The following SHISA7 variants were observed in gnomAD, a reference collection of about 807,000 sequenced individuals.
The protein encoded by SHISA7 is protein shisa-7.
Under a neutral mutation model 23.9 loss-of-function variants are expected in SHISA7, and 6 were observed. The ratio of observed to expected loss-of-function variants is 0.25; its 90% CI spans 0.14 to 0.50. SHISA7 has a LOEUF of 0.50. SHISA7 is among the 20% of genes least tolerant of loss of function. SHISA7 has a pLI of 0.98. For missense variants in SHISA7, 671 were observed against 801.1 expected (o/e 0.84, Z 1.96); for synonymous variants, 386 against 398.3 (o/e 0.97, Z 0.37).
At chr19:55,438,457 G>T in intron 2 of SHISA7, 1 of 1,024,688 alleles carries the variant, frequency 9.8e-7, no homozygotes, top group Non-Finnish European at 1.3e-6. Flanking sequence ...GGCTCACAGG[G>T]GTCTCACTCC....
intron 3 of SHISA7, among the ~76,000 whole-genome samples, chr19:55,434,854 T>G: frequency 1.1e-5 from 1 of 90,830 alleles, no homozygotes; most frequent in African/African-American, 4.7e-5. Flanking sequence ...TGTGTGCGTG[T>G]GTGTATATGT....
intron 3 of SHISA7, among the ~76,000 whole-genome samples, chr19:55,437,204 T>G (rs1181094764): frequency 6.6e-6 from 1 of 151,984 alleles, no homozygotes; most frequent in Non-Finnish European, 1.5e-5. Context: ...GAGGGGAGAC[T>G]CTCTGAAAAT....
rs556347789 is a variant in SHISA7, at chr19:55,435,293, GGT to G, written c.977-1499_977-1498del. 2.7e-3 allele frequency among the ~76,000 whole-genome samples: 352 copies of G among 132,258 alleles called. 1 individual carries two copies. The highest frequency in any genetic ancestry group is 8.7e-3 in the African/African-American group (301 of 34,716). 86.8% of individuals were successfully genotyped at this position (132,258 alleles called of 152,430 possible). A position where few individuals can be genotyped will look rare whatever the true frequency, so the allele number is the denominator to read the frequency against. ...TGCGTGTGTGCGTGTGTGTATATGT[GGT>G]GTGTGTGTATATGTGGTGTGTGTGT... On this transcript the variant is annotated intron_variant, in intron 3 of 3. Coordinates refer to ENST00000376325, the MANE Select transcript of SHISA7 (RefSeq NM_001145176.2).
chr19:55,437,159 A>G (rs1311317598), intron 3 of SHISA7, among the ~76,000 whole-genome samples: 1 of 152,150 alleles, frequency 6.6e-6, no homozygotes, highest in East Asian at 1.9e-4. Flanking sequence ...GTAGAACGGC[A>G]GCCTGAACAT....
intron 3 of SHISA7, among the ~76,000 whole-genome samples, chr19:55,434,286 TGTG>T (rs1985297642): frequency 6.7e-6 from 1 of 149,170 alleles, no homozygotes; most frequent in Non-Finnish European, 1.5e-5. Context: ...GTGGTGGGTG[TGTG>T]GTGTATATGT....
chr19:55,438,869 C>CA (rs1985529242), intron 2 of SHISA7, among the ~76,000 whole-genome samples: 1 of 62,692 alleles, frequency 1.6e-5, no homozygotes, highest in Non-Finnish European at 3.0e-5. Flanking sequence ...AAGTTCTTAG[C>CA]ACCCCCCCCC....
chr19:55,442,077 C>G, intron 1 of SHISA7, 116 bp downstream of exon 1: 2 of 1,104,500 alleles, frequency 1.8e-6, no homozygotes, highest in Non-Finnish European at 2.4e-6. Flanking sequence ...GCGGCCGCCA[C>G]CTGGGTCTCT....
At chr19:55,437,569 C>T in intron 3 of SHISA7, 36 bp downstream of exon 3, 1 of 1,544,724 alleles carries the variant, frequency 6.5e-7, no homozygotes. Context: ...CCCGCCCCCT[C>T]CCCTTCACCG....
rs554661453 is a variant in SHISA7, at chr19:55,432,187, T to G, written c.*969A>C. The G allele has an allele frequency of 2.4e-3, 362 of 152,860 alleles. 2 individuals carry two copies. The highest frequency in any genetic ancestry group is 6.6e-3 in the Middle Eastern group (2 of 302). 9.5% of individuals were successfully genotyped at this position (152,860 alleles called of 1,614,324 possible). On this transcript the variant is annotated 3_prime_UTR_variant, in exon 4 of 4. Coordinates refer to ENST00000376325, the MANE Select transcript of SHISA7 (RefSeq NM_001145176.2). The surrounding 1 kb of genome is among the most constrained non-coding windows in gnomAD (Gnocchi z 4.6). Reference sequence around the variant, plus strand: ...AGCGATGCTTCCTTCAGACAACATCTCAGGACAGGGCCCCTCTCTGCTCTC... The same window carrying G: ...AGCGATGCTTCCTTCAGACAACATCGCAGGACAGGGCCCCTCTCTGCTCTC...
intron 1 of SHISA7, among the ~76,000 whole-genome samples, chr19:55,441,769 G>A (rs1256502356): frequency 6.6e-6 from 1 of 152,208 alleles, no homozygotes; most frequent in Non-Finnish European, 1.5e-5. Context: ...AGGTGGGGAC[G>A]ATGATTAGTC....
intron 1 of SHISA7, among the ~76,000 whole-genome samples, chr19:55,441,498 C>T (rs977532174): frequency 3.3e-5 from 5 of 152,238 alleles, no homozygotes; most frequent in Non-Finnish European, 7.3e-5. Context: ...GGCCTTTGCA[C>T]GCGGTTCCCC....
chr19:55,442,879 T>C lies in SHISA7; in HGVS notation c.-16A>G. 1 of 1,317,922 alleles carries C rather than the reference T, an allele frequency of 7.6e-7. No individual in the cohort carries two copies. Among genetic ancestry groups the C allele is most frequent in the Non-Finnish European group, 9.6e-7 (1 of 1,038,410 alleles). The allele number at this position is 1,317,922 out of a possible 1,614,324, so 81.6% of individuals were successfully genotyped here. A position where few individuals can be genotyped will look rare whatever the true frequency, so the allele number is the denominator to read the frequency against. On this transcript the variant is annotated 5_prime_UTR_variant, in exon 1 of 4. Transcript: ENST00000376325. ...GGGCCGGCATGGGGCTTGCAGGGGG[T>C]CGCACTGGGCCGCCAGGCTGCGGGG...
In SHISA7 at chr19:55,432,700, T is replaced by C. The variant is rs974949692; in HGVS notation, c.*456A>G. On this transcript the variant is annotated 3_prime_UTR_variant, in exon 4 of 4. Coordinates refer to ENST00000376325, the MANE Select transcript of SHISA7 (RefSeq NM_001145176.2). This position sits in a 1 kb window ranked among gnomAD's most constrained non-coding sequence, Gnocchi z 4.6. The stretch of plus-strand genomic sequence containing the variant: ...TAGAGATGACATCATCCAGGTGAGA[T>C]TGTCTCTGCAGTGACACCACAGGAA... The C allele has an allele frequency of 6.4e-6, 1 of 155,186 alleles. No individual in the cohort carries two copies. The highest frequency in any genetic ancestry group is 2.4e-5 in the African/African-American group (1 of 41,498). 9.6% of individuals were successfully genotyped at this position (155,186 alleles called of 1,614,324 possible). A position where few individuals can be genotyped will look rare whatever the true frequency, so the allele number is the denominator to read the frequency against.
chr19:55,438,168 C>T (rs557624370), intron 2 of SHISA7, among the ~76,000 whole-genome samples: 1 of 152,106 alleles, frequency 6.6e-6, no homozygotes, highest in Non-Finnish European at 1.5e-5. Context: ...TCCCTCAGAC[C>T]CAGCAGTTCT....
Position 55,433,053 on chromosome 19 carries a change from C to G in SHISA7, c.*103G>C. 7.4e-7 allele frequency: 1 copy of G among 1,349,050 alleles called. No individual in the cohort carries two copies. Among genetic ancestry groups the G allele is most frequent in the Non-Finnish European group, 9.6e-7 (1 of 1,040,582 alleles). 83.6% of individuals were successfully genotyped at this position (1,349,050 alleles called of 1,614,324 possible). On this transcript the variant is annotated 3_prime_UTR_variant, in exon 4 of 4. Coordinates refer to ENST00000376325, the MANE Select transcript of SHISA7 (RefSeq NM_001145176.2). This position sits in a 1 kb window ranked among gnomAD's most constrained non-coding sequence, Gnocchi z 8.4. ...GAGGCTTTCACTCCTGTCCAAGGGC[C>G]GATCTGGGCCCCAGGCCCCTGGCAT...
chr19:55,433,628 C>G lies in SHISA7; in HGVS notation c.1145G>C (p.Arg382Pro). Reference sequence around the variant, plus strand: ...CAGCAGGTGCTCCTGGGACATGACCCGCCGGGGGTTGGGCGCGGGCGCCAG... The same window carrying G: ...CAGCAGGTGCTCCTGGGACATGACCGGCCGGGGGTTGGGCGCGGGCGCCAG... ...LGLAPAPNPR[R>P]VMSQEHLLGD... Residue 382 changes from arginine to proline, a missense_variant, in exon 4 of 4, where the codon CGG becomes CCG. This residue lies in a region of SHISA7 where 457 missense variants were observed against 488.3 expected (regional missense o/e 0.94). Transcript: ENST00000376325. This position sits in a 1 kb window ranked among gnomAD's most constrained non-coding sequence, Gnocchi z 8.4. 1 of 1,491,082 alleles carries G rather than the reference C, an allele frequency of 6.7e-7. No individual in the cohort carries two copies. Among genetic ancestry groups the G allele is most frequent in the Non-Finnish European group, 8.9e-7 (1 of 1,127,550 alleles). The allele number at this position is 1,491,082 out of a possible 1,614,324, so 92.4% of individuals were successfully genotyped here.
chr19:55,440,426 G>C (rs532427259), intron 2 of SHISA7, among the ~76,000 whole-genome samples, 185 bp downstream of exon 2: 1 of 152,366 alleles, frequency 6.6e-6, no homozygotes, highest in South Asian at 2.1e-4. Context: ...AGAGGGTCTG[G>C]CTCTCTACGG....
At chr19:55,436,887 G>A (rs1358535761) in intron 3 of SHISA7, among the ~76,000 whole-genome samples, 1 of 152,202 alleles carries the variant, frequency 6.6e-6, no homozygotes, top group African/African-American at 2.4e-5. Context: ...ATCCCAGCCT[G>A]GGTGACAGAG....
intron 1 of SHISA7, among the ~76,000 whole-genome samples, 168 bp from the exon 2 acceptor site, chr19:55,440,933 C>A (rs1985586964): frequency 6.6e-6 from 1 of 152,132 alleles, no homozygotes; most frequent in African/African-American, 2.4e-5. Context: ...CCTAGAATGA[C>A]CCCCTTTCTC....
Sources: gnomAD v4.1 joint callset for allele counts (sites outside exome capture counted in the v4.1 genomes callset) on GRCh38, gnomAD v4.1.1 for gene constraint, gnomAD v4.1.1 regional missense constraint, Gnocchi (gnomAD v3.1) non-coding constraint, MANE v1.5 for transcripts, NCBI Gene and HGNC (gene_info 2026-07-23, HGNC 2026-07-21) for gene names.